The following KATNAL2 variants were observed in gnomAD, a reference collection of about 807,000 sequenced individuals.
KATNAL2 encodes the protein katanin p60 ATPase-containing subunit A-like 2.
A neutral mutation model predicts 76.3 loss-of-function variants in KATNAL2; 52 were observed. The observed-to-expected ratio is 0.68, with a 90% CI of 0.55 to 0.86. The LOEUF (loss-of-function observed/expected upper bound fraction) is 0.86. Ranked by LOEUF, KATNAL2 falls within the 40% of genes least tolerant of loss-of-function variation. KATNAL2 has a pLI of 0.00. For synonymous variants in KATNAL2, 243 were observed against 244.2 expected (o/e 1.00, Z 0.05); for missense variants, 660 against 668.9 (o/e 0.99, Z 0.15).
At chr18:47,075,191 A>G (rs2062156080) in intron 13 of KATNAL2, 86 bp from the exon 14 acceptor site, 1 of 997,850 alleles carries the variant, frequency 1.0e-6, no homozygotes. Context: ...GCTTATTATT[A>G]CAGTCATTCT....
At chr18:46,955,135 T>TCC (rs1954686283) in intron 3 of KATNAL2, among the ~76,000 whole-genome samples, 1 of 121,986 alleles carries the variant, frequency 8.2e-6, no homozygotes, top group Non-Finnish European at 1.7e-5. Flanking sequence ...TCTTTCTTTC[T>TCC]CTCTCTCTTT....
chr18:47,031,288 C>G (rs72919278), intron 3 of KATNAL2, among the ~76,000 whole-genome samples: 1,684 of 152,112 alleles, frequency 0.011, 18 homozygotes, highest in Non-Finnish European at 0.017. Context: ...GAGTTCCACT[C>G]TTACCTTTCA....
In KATNAL2 at chr18:47,077,142, A is replaced by G. The variant is rs3765028; in HGVS notation, c.1101-209A>G. 4.7e-4 allele frequency among the ~76,000 whole-genome samples: 72 copies of G among 152,276 alleles called. No individual in the cohort carries two copies. The East Asian group carries it at 6.5e-3, about 14-fold the overall frequency. ...TGCCTTTGGTTTTCTTTCAAATACC[A>G]TCATTATATTCATTTACTTGCTTTC... is the stretch of plus-strand genomic sequence containing the variant. On this transcript the variant is annotated intron_variant, in intron 14 of 17. Transcript: ENST00000683218.
rs748776263 is a variant in KATNAL2 at position 47,067,060 on chromosome 18, A to G, written c.766A>G (p.Ile256Val). The G allele has an allele frequency of 3.8e-5, 60 of 1,591,446 alleles. No homozygotes were observed. The highest frequency in any genetic ancestry group is 5.0e-5 in the Non-Finnish European group (58 of 1,164,848). Residue 256 changes from isoleucine (I) to valine (V), a missense_variant, in exon 11 of 18, where the codon ATT (isoleucine) becomes GTT (valine). Transcript: ENST00000683218. ...LHNPNIKWND[I>V]IGLDAAKQLV... ...TAATCCAAACATAAAGTGGAATGAC[A>G]TTATTGGACTTGATGCAGCCAAGCA... is the stretch of plus-strand genomic sequence containing the variant.
intron 1 of KATNAL2, 109 bp from the exon 2 acceptor site, chr18:46,945,948 G>T (rs1486633747): frequency 1.3e-5 from 2 of 152,672 alleles, no homozygotes; most frequent in Non-Finnish European, 2.9e-5. Context: ...GAAATGGGTG[G>T]AAGGTGAGGA....
intron 1 of KATNAL2, among the ~76,000 whole-genome samples, chr18:46,941,133 G>T (rs2059234530): frequency 6.6e-6 from 1 of 152,142 alleles, no homozygotes; most frequent in South Asian, 2.1e-4. Context: ...AAACCAGCTT[G>T]GCCAACATGG....
At chr18:47,053,320 T>C (rs981466313) in intron 5 of KATNAL2, among the ~76,000 whole-genome samples, 2 of 152,236 alleles carry the variant, frequency 1.3e-5, no homozygotes, top group East Asian at 1.9e-4. Context: ...TTTCAGATGA[T>C]TAGCATTACT....
chr18:46,955,687 G>A (rs2059725498), intron 3 of KATNAL2, among the ~76,000 whole-genome samples: 1 of 152,056 alleles, frequency 6.6e-6, no homozygotes, highest in Admixed American at 6.5e-5. Flanking sequence ...GAGTAGCTGG[G>A]GCCACAGGCA....
chr18:46,920,308 G>A (rs2058465336), intron 1 of KATNAL2: 1 of 324,418 alleles, frequency 3.1e-6, no homozygotes, highest in African/African-American at 2.2e-5. Context: ...CGTGCCCTAA[G>A]GTAGGCTAAT....
intron 3 of KATNAL2, among the ~76,000 whole-genome samples, chr18:46,959,760 A>G (rs1439309400): frequency 1.3e-5 from 2 of 152,178 alleles, no homozygotes; most frequent in East Asian, 3.9e-4. Flanking sequence ...TTTTTAGTAG[A>G]GATGGAGTTT....
chr18:47,039,036 T>G (rs12457793), intron 3 of KATNAL2, among the ~76,000 whole-genome samples: 1 of 152,086 alleles, frequency 6.6e-6, no homozygotes, highest in Non-Finnish European at 1.5e-5. Flanking sequence ...CAGGCCCTCA[T>G]GGTGCTGTGT....
intron 13 of KATNAL2, among the ~76,000 whole-genome samples, 196 bp downstream of exon 13, chr18:47,069,796 A>G (rs1569110826): frequency 6.6e-6 from 1 of 152,244 alleles, no homozygotes; most frequent in South Asian, 2.1e-4. Context: ...TCAGCAAAAC[A>G]TGATCTCCCT....
chr18:47,069,092 G>A (rs1026036454), intron 11 of KATNAL2, 128 bp from the exon 12 acceptor site: 2 of 650,986 alleles, frequency 3.1e-6, no homozygotes, highest in African/African-American at 3.8e-5. Flanking sequence ...ACAACCTTAA[G>A]CAAAAAAGGG....
At chr18:47,062,324 C>T (rs1449675353) in intron 8 of KATNAL2, among the ~76,000 whole-genome samples, 4 of 150,880 alleles carry the variant, frequency 2.7e-5, no homozygotes, top group Non-Finnish European at 1.5e-5. Flanking sequence ...TTTAAGGCTG[C>T]GGTGAGCTAT....
intron 13 of KATNAL2, among the ~76,000 whole-genome samples, chr18:47,071,972 T>C (rs1347378209): frequency 3.4e-5 from 4 of 117,704 alleles, no homozygotes; most frequent in Non-Finnish European, 5.2e-5. Context: ...TTTTTTTTTT[T>C]TTTTTTTTTT....
Position 47,102,127 on chromosome 18 carries a change from G to T in KATNAL2, c.*1122G>T, listed in dbSNP as rs191607262. Reference sequence around the variant, plus strand: ...TAAACAAAACCAAAGCATTTTTTTCGGTATCGATTATTTTGAGATTATTCT... The same window carrying T: ...TAAACAAAACCAAAGCATTTTTTTCTGTATCGATTATTTTGAGATTATTCT... On this transcript the variant is annotated 3_prime_UTR_variant, in exon 18 of 18. Coordinates refer to ENST00000683218, the MANE Select transcript of KATNAL2 (RefSeq NM_001387690.1). The T allele has an allele frequency of 6.6e-6, 1 of 151,856 alleles. No individual in the cohort carries two copies. Among genetic ancestry groups the T allele is most frequent in the African/African-American group, 2.4e-5 (1 of 41,324 alleles). The allele number at this position is 151,856 out of a possible 1,614,324, so 9.4% of individuals were successfully genotyped here.
In KATNAL2 at chr18:47,101,285, A is replaced by C. The variant is rs943668737; in HGVS notation, c.*280A>C. On this transcript the variant is annotated 3_prime_UTR_variant, in exon 18 of 18. Transcript: ENST00000683218. ...GACAATTAGACTCCATAAAATTTTA[A>C]TGAACAATTTTCTGTAATGTTACTC... 4 of 294,174 alleles carry C rather than the reference A, an allele frequency of 1.4e-5. No homozygotes were observed. The highest frequency in any genetic ancestry group is 8.7e-5 in the Admixed American group (2 of 22,924). The allele number at this position is 294,174 out of a possible 1,614,324, so 18.2% of individuals were successfully genotyped here. A position where few individuals can be genotyped will look rare whatever the true frequency, so the allele number is the denominator to read the frequency against.
chr18:46,945,277 T>C (rs1028038610), intron 1 of KATNAL2, among the ~76,000 whole-genome samples: 16 of 152,230 alleles, frequency 1.1e-4, no homozygotes, highest in Non-Finnish European at 2.2e-4. Flanking sequence ...ATGAAAAGTA[T>C]GTTGTGGAAT....
chr18:46,950,095 C>T (rs1434813305), intron 3 of KATNAL2, among the ~76,000 whole-genome samples: 8 of 152,174 alleles, frequency 5.3e-5, no homozygotes, highest in East Asian at 1.9e-4. Context: ...CCTAATCTAA[C>T]GTCTGACAAC....
Sources: allele counts gnomAD v4.1 joint callset (sites outside exome capture counted in the v4.1 genomes callset), GRCh38; gene constraint gnomAD v4.1.1; transcripts MANE v1.5; gene names NCBI Gene and HGNC (gene_info 2026-07-23, HGNC 2026-07-21).